Variants in KCNMA1 observed in about 807,000 individuals in gnomAD.
KCNMA1 encodes Calcium-activated potassium channel subunit alpha-1.
KCNMA1 carries 29 observed loss-of-function variants against 140.0 expected under a neutral mutation model. The ratio of observed to expected loss-of-function variants is 0.21; its 90% CI spans 0.15 to 0.28. The LOEUF (loss-of-function observed/expected upper bound fraction) is 0.28, where lower values mean the gene tolerates loss of function less well. Ranked by LOEUF, KCNMA1 falls within the 10% of genes least tolerant of loss-of-function variation. The pLI, the probability that KCNMA1 is intolerant of heterozygous loss-of-function variation, is 1.00. For synonymous variants in KCNMA1, 612 were observed against 611.9 expected (o/e 1.00, Z 0.00); for missense variants, 880 against 1,602.2 (o/e 0.55, Z 7.70).
chr10:77,465,836 A>C (rs541691647), intron 1 of KCNMA1, among the ~76,000 whole-genome samples: 1 of 152,302 alleles, frequency 6.6e-6, no homozygotes, highest in South Asian at 2.1e-4. Flanking sequence ...GCACAGCTTC[A>C]GGAGGCACTG....
intron 25 of KCNMA1, among the ~76,000 whole-genome samples, chr10:76,909,383 C>T (rs2152350981): frequency 6.6e-6 from 1 of 152,278 alleles, no homozygotes; most frequent in South Asian, 2.1e-4. Context: ...AAGGCAATCC[C>T]CTTAAAGCAT....
At chr10:77,240,955 C>T (rs1466539412) in intron 3 of KCNMA1, among the ~76,000 whole-genome samples, 1 of 152,130 alleles carries the variant, frequency 6.6e-6, no homozygotes, top group African/African-American at 2.4e-5. Context: ...CATGTTTTTC[C>T]AAAACTCGGG....
chr10:77,598,774 A>G (rs890896090), intron 1 of KCNMA1, among the ~76,000 whole-genome samples: 1 of 152,214 alleles, frequency 6.6e-6, no homozygotes, highest in Non-Finnish European at 1.5e-5. Context: ...CATCCAGTGC[A>G]GCAAGCGTCC....
At chr10:77,012,500 C>A in intron 17 of KCNMA1, 1 of 1,550,258 alleles carries the variant, frequency 6.5e-7, no homozygotes, top group Non-Finnish European at 8.7e-7. Flanking sequence ...AAATATCAAG[C>A]TTGTCACTCT....
chr10:76,997,682 C>T (rs2084831503), intron 19 of KCNMA1, among the ~76,000 whole-genome samples: 1 of 152,216 alleles, frequency 6.6e-6, no homozygotes, highest in African/African-American at 2.4e-5. Context: ...AGAAATCGTA[C>T]TGATTGGAAT....
At chr10:77,110,911 C>CAATGG (rs2097304849) in intron 7 of KCNMA1, among the ~76,000 whole-genome samples, 1 of 152,214 alleles carries the variant, frequency 6.6e-6, no homozygotes, top group African/African-American at 2.4e-5. Flanking sequence ...TGCAAATTGG[C>CAATGG]AATGGTGGTC....
At position 77,495,612 on chromosome 10, in the gene KCNMA1, C is replaced by T. The variant is rs816853; in HGVS notation, c.379-91589G>A. Among the ~76,000 whole-genome samples, 475 of 152,392 alleles carry T rather than the reference C, an allele frequency of 3.1e-3. 9 individuals are homozygous for T. The East Asian group carries it at 0.038, about 12-fold the overall frequency. ...GAACTCTCCATGCATCTACTCCCAA[C>T]ACATTCCCCTGAGAAGCCTGCGGGG... On this transcript the variant is annotated intron_variant, in intron 1 of 27. Coordinates refer to ENST00000286628, the MANE Select transcript of KCNMA1 (RefSeq NM_001161352.2).
chr10:77,106,088 C>T (rs560183206), intron 9 of KCNMA1, among the ~76,000 whole-genome samples: 1 of 152,198 alleles, frequency 6.6e-6, no homozygotes, highest in South Asian at 2.1e-4. Flanking sequence ...TCTAAGTGAC[C>T]AAAGGCCTTC....
At chr10:77,574,008 G>T (rs1286181339) in intron 1 of KCNMA1, among the ~76,000 whole-genome samples, 1 of 151,784 alleles carries the variant, frequency 6.6e-6, no homozygotes, top group Admixed American at 6.6e-5. Context: ...GCTAATTTTT[G>T]TATTTTTAGT....
At chr10:77,184,240 G>C (rs1280372486) in intron 4 of KCNMA1, among the ~76,000 whole-genome samples, 1 of 152,068 alleles carries the variant, frequency 6.6e-6, no homozygotes, top group African/African-American at 2.4e-5. Context: ...ATTTTTTTGA[G>C]ATGGAGTCTT....
intron 19 of KCNMA1, among the ~76,000 whole-genome samples, chr10:76,998,844 T>C (rs975675880): frequency 5.9e-5 from 9 of 152,214 alleles, no homozygotes; most frequent in African/African-American, 2.2e-4. Flanking sequence ...GAAGGGCTTA[T>C]GCAGGCCCAA....
At chr10:77,295,473 C>A (rs780496287) in intron 2 of KCNMA1, among the ~76,000 whole-genome samples, 1 of 151,856 alleles carries the variant, frequency 6.6e-6, no homozygotes, top group African/African-American at 2.4e-5. Context: ...AAAGTGTACA[C>A]TAGAGATTGT....
chr10:77,631,380 A>T (rs78472335), intron 1 of KCNMA1, among the ~76,000 whole-genome samples: 1,876 of 152,252 alleles, frequency 0.012, 34 homozygotes, highest in African/African-American at 0.043. Context: ...ATCCCCAGGG[A>T]TGTCTCCAAG....
At chr10:77,553,815 C>T (rs964850211) in intron 1 of KCNMA1, among the ~76,000 whole-genome samples, 6 of 151,354 alleles carry the variant, frequency 4.0e-5, no homozygotes, top group African/African-American at 4.9e-5. Context: ...TCATCTTGCC[C>T]CTCCTCCCAG....
In KCNMA1 at chr10:77,483,035, CA is replaced by C. The variant is rs1567086355; in HGVS notation, c.379-79013del. ...ACACACACACACACACACACACACA[CA>C]CACACCCCTTGTTCTTCTGTGCCTA... is the stretch of plus-strand genomic sequence containing the variant. On this transcript the variant is annotated intron_variant, in intron 1 of 27. Coordinates refer to ENST00000286628, the MANE Select transcript of KCNMA1 (RefSeq NM_001161352.2). Among the ~76,000 whole-genome samples the C allele has an allele frequency of 4.5e-4, 56 of 123,804 alleles. 2 individuals carry two copies. Among genetic ancestry groups the C allele is most frequent in the Middle Eastern group, 4.4e-3 (1 of 228 alleles). The allele number at this position is 123,804 out of a possible 152,430, so 81.2% of individuals were successfully genotyped here.
At chr10:76,930,201 G>A (rs985061096) in intron 23 of KCNMA1, 3 of 152,064 alleles carry the variant, frequency 2.0e-5, no homozygotes, top group Admixed American at 6.6e-5. Flanking sequence ...TCTACTGAAC[G>A]GGAGAAAATA....
intron 6 of KCNMA1, among the ~76,000 whole-genome samples, chr10:77,114,251 A>T (rs2097396478): frequency 6.6e-6 from 1 of 152,092 alleles, no homozygotes; most frequent in Admixed American, 6.5e-5. Context: ...GGTCCCTAAG[A>T]GCTGAGGCCT....
intron 23 of KCNMA1, among the ~76,000 whole-genome samples, chr10:76,925,907 G>A (rs2057532711): frequency 6.6e-6 from 1 of 152,228 alleles, no homozygotes; most frequent in Non-Finnish European, 1.5e-5. Flanking sequence ...CAGGAAAGCA[G>A]AATCGCATCA....
At chr10:77,084,360 A>G (rs956832124) in intron 12 of KCNMA1, among the ~76,000 whole-genome samples, 1 of 152,130 alleles carries the variant, frequency 6.6e-6, no homozygotes, top group Admixed American at 6.5e-5. Flanking sequence ...TCTATTTCCT[A>G]GTTCTGTCTC....
Sources: allele counts gnomAD v4.1 joint callset (sites outside exome capture counted in the v4.1 genomes callset), GRCh38; gene constraint gnomAD v4.1.1; transcripts MANE v1.5; gene names NCBI Gene and HGNC (gene_info 2026-07-23, HGNC 2026-07-21).